MTUS2: variants seen among roughly 807,000 people sequenced by gnomAD.
MTUS2 encodes microtubule associated scaffold protein 2.
MTUS2 carries 40 observed loss-of-function variants against 114.1 expected under a neutral mutation model. The observed-to-expected ratio is 0.35, with a 90% confidence interval of 0.27 to 0.46. The LOEUF (loss-of-function observed/expected upper bound fraction) is 0.46, where lower values mean the gene tolerates loss of function less well. Ranked by LOEUF, MTUS2 falls within the 20% of genes least tolerant of loss-of-function variation. MTUS2 has a pLI of 1.00. For synonymous variants in MTUS2, 688 were observed against 672.0 expected, an observed-to-expected ratio of 1.02 and a Z score of -0.37; for missense variants, 1,679 against 1,705.4, an observed-to-expected ratio of 0.98 and a Z score of 0.27.
chr13:29,287,106 A>G (rs955140627), intron 6 of MTUS2, among the ~76,000 whole-genome samples: 3 of 152,262 alleles, frequency 2.0e-5, no homozygotes, highest in Non-Finnish European at 4.4e-5. Context: ...CAGATGCAGC[A>G]AGTGAAACGA....
At chr13:29,452,603 T>C (rs969639646) in intron 9 of MTUS2, among the ~76,000 whole-genome samples, 7 of 150,150 alleles carry the variant, frequency 4.7e-5, no homozygotes, top group African/African-American at 1.5e-4. Flanking sequence ...TGTGTGTGTG[T>C]GTGTATATAT....
chr13:28,980,570 C>T (rs1456303260), intron 2 of MTUS2, among the ~76,000 whole-genome samples: 2 of 152,160 alleles, frequency 1.3e-5, no homozygotes, highest in African/African-American at 2.4e-5. Flanking sequence ...TTTCCATTAT[C>T]AGAAAACAGG....
At chr13:29,051,087 T>C (rs1443727507) in intron 4 of MTUS2, among the ~76,000 whole-genome samples, 1 of 152,182 alleles carries the variant, frequency 6.6e-6, no homozygotes, top group African/African-American at 2.4e-5. Flanking sequence ...GTAGTCTCTG[T>C]AGAATAGGAG....
chr13:29,400,761 T>C (rs182166382), intron 8 of MTUS2, among the ~76,000 whole-genome samples: 45 of 152,284 alleles, frequency 3.0e-4, no homozygotes, highest in African/African-American at 1.0e-3. Context: ...TTTGGCAGAG[T>C]GTATATAGGT....
At chr13:29,451,279 A>C (rs7317720) in intron 9 of MTUS2, among the ~76,000 whole-genome samples, 13,616 of 152,274 alleles carry the variant, frequency 0.089, 824 homozygotes, top group African/African-American at 0.18. Context: ...ATAACATAAA[A>C]ATATCTGAAA....
In MTUS2 at chr13:28,822,818, A is replaced by G. The variant is rs573549387; in HGVS notation, c.-316+2207A>G. On this transcript the variant is annotated intron_variant, in intron 1 of 15. Transcript: ENST00000612955. ...CCTGTGTTCAAGTATTAACTTATAAAATTGCCTATTCTTAGTTTAATTTTT... is the reference window on the plus strand; with the variant it reads ...CCTGTGTTCAAGTATTAACTTATAAGATTGCCTATTCTTAGTTTAATTTTT... Among the ~76,000 whole-genome samples the G allele has an allele frequency of 3.9e-5, 6 of 152,328 alleles. No individual in the cohort carries two copies. The East Asian group carries it at 9.6e-4, about 24-fold the overall frequency.
intron 14 of MTUS2, among the ~76,000 whole-genome samples, chr13:29,500,284 G>A (rs1389203632): frequency 1.3e-5 from 2 of 152,238 alleles, no homozygotes; most frequent in Non-Finnish European, 2.9e-5. Flanking sequence ...GGCCAGTCCT[G>A]TGGCTAGGAT....
At chr13:28,941,139 T>C (rs1225769919) in intron 2 of MTUS2, among the ~76,000 whole-genome samples, 3 of 152,146 alleles carry the variant, frequency 2.0e-5, no homozygotes, top group African/African-American at 7.2e-5. Context: ...AGAACAACTA[T>C]ACCAATAATT....
intron 2 of MTUS2, among the ~76,000 whole-genome samples, chr13:28,925,875 A>G (rs1438464784): frequency 6.6e-6 from 1 of 152,258 alleles, no homozygotes; most frequent in East Asian, 1.9e-4. Flanking sequence ...TTATGAAACC[A>G]AAAGAAAGTA....
intron 4 of MTUS2, among the ~76,000 whole-genome samples, chr13:29,092,171 T>C (rs1371825119): frequency 6.6e-6 from 1 of 152,250 alleles, no homozygotes; most frequent in Non-Finnish European, 1.5e-5. Flanking sequence ...AAAGCCAAGC[T>C]ACAAGTCAAA....
At chr13:29,201,399 T>G (rs749023591) in intron 5 of MTUS2, among the ~76,000 whole-genome samples, 13 of 152,162 alleles carry the variant, frequency 8.5e-5, no homozygotes, top group Non-Finnish European at 1.8e-4. Context: ...TGAGCCTGTG[T>G]GTGTCTTTGC....
chr13:29,063,265 A>G (rs1249281458), intron 4 of MTUS2, among the ~76,000 whole-genome samples: 2 of 152,220 alleles, frequency 1.3e-5, no homozygotes, highest in Non-Finnish European at 2.9e-5. Context: ...TAACCTGTAC[A>G]GTGTACAGAA....
At chr13:29,152,278 AG>A (rs1190600378) in intron 5 of MTUS2, among the ~76,000 whole-genome samples, 6 of 152,212 alleles carry the variant, frequency 3.9e-5, no homozygotes, top group Admixed American at 3.3e-4. Flanking sequence ...ATATGCTAAA[AG>A]TTCTTTCATT....
chr13:29,308,886 TAAAAAC>T (rs1224521271), intron 6 of MTUS2, among the ~76,000 whole-genome samples: 3 of 118,244 alleles, frequency 2.5e-5, no homozygotes, highest in Admixed American at 1.1e-4. Context: ...ATTACAAAGT[TAAAAAC>T]AAAACAAAAC....
chr13:29,412,355 C>T (rs1875312590), intron 8 of MTUS2, among the ~76,000 whole-genome samples: 1 of 152,134 alleles, frequency 6.6e-6, no homozygotes, highest in African/African-American at 2.4e-5. Flanking sequence ...ATAATATTTT[C>T]CCCTTAGATC....
At position 29,504,844 on chromosome 13, in the gene MTUS2, G is replaced by C. The variant is rs1362851422; in HGVS notation, c.*1638G>C. On this transcript the variant is annotated 3_prime_UTR_variant, in exon 16 of 16. Transcript: ENST00000612955. ...GCGAGAAGAACCATGAGGGGGTCCT[G>C]CAGGGGCCGGAGCCATGGAACGGGG... The C allele has an allele frequency of 4.3e-6, 1 of 232,660 alleles. No homozygotes were observed. Among genetic ancestry groups the C allele is most frequent in the Non-Finnish European group, 8.5e-6 (1 of 117,778 alleles). The allele number at this position is 232,660 out of a possible 1,614,324, so 14.4% of individuals were successfully genotyped here. A position where few individuals can be genotyped will look rare whatever the true frequency, so the allele number is the denominator to read the frequency against.
intron 6 of MTUS2, among the ~76,000 whole-genome samples, chr13:29,302,000 A>T (rs898454364): frequency 2.0e-5 from 3 of 152,164 alleles, no homozygotes; most frequent in Admixed American, 1.3e-4. Flanking sequence ...ATTCACTCTC[A>T]TGATTTAATC....
intron 2 of MTUS2, among the ~76,000 whole-genome samples, chr13:28,925,588 G>T (rs1263964315): frequency 6.6e-6 from 1 of 152,192 alleles, no homozygotes; most frequent in Non-Finnish European, 1.5e-5. Flanking sequence ...TCACATTGGT[G>T]AGAGAAACTC....
chr13:29,410,449 G>A (rs1404103707), intron 8 of MTUS2, among the ~76,000 whole-genome samples: 1 of 152,144 alleles, frequency 6.6e-6, no homozygotes, highest in Non-Finnish European at 1.5e-5. Flanking sequence ...TTGCAGCCAA[G>A]TAGGTGAGAA....
Sources: gnomAD v4.1 joint callset for allele counts (sites outside exome capture counted in the v4.1 genomes callset) on GRCh38, gnomAD v4.1.1 for gene constraint, MANE v1.5 for transcripts, NCBI Gene and HGNC (gene_info 2026-07-23, HGNC 2026-07-21) for gene names.